The following NRP1 variants were observed in gnomAD, a reference collection of about 807,000 sequenced individuals.
NRP1 encodes neuropilin 1, also known as neuropilin-1.
In NRP1, 35 loss-of-function variants were observed where a neutral mutation model predicts 106.7. That is an observed-to-expected ratio of 0.33 (90% CI 0.25 to 0.43). The LOEUF (loss-of-function observed/expected upper bound fraction) is 0.43. Ranked by LOEUF, NRP1 falls within the 20% of genes least tolerant of loss-of-function variation. The pLI is 1.00. For missense variants in NRP1, 1,024 were observed against 1,170.4 expected (o/e 0.87, Z 1.83); for synonymous variants, 437 against 417.9 (o/e 1.05, Z -0.56).
rs1835597497 is a variant in NRP1 at position 33,180,254 on chromosome 10, C to T, written c.2594G>A (p.Ser865Asn). 6.2e-7 allele frequency: 1 copy of T among 1,614,130 alleles called. No homozygotes were observed. Reference sequence around the variant, plus strand: ...AGCCCCCAGGAGGACCCCCAGGGCACTCATGGCTATGATGGTGATGAGGAT... The same window carrying T: ...AGCCCCCAGGAGGACCCCCAGGGCATTCATGGCTATGATGGTGATGAGGAT... ...DPILITIIAMSALGVLLGAVC... is the reference protein window; with the variant it reads ...DPILITIIAMNALGVLLGAVC... Residue 865 changes from serine (S) to asparagine (N), a missense_variant, in exon 17 of 17, where the codon AGT becomes AAT. This residue lies in a region of NRP1 where 164 missense variants were observed against 161.4 expected (regional missense o/e 1.02). Transcript: ENST00000374867.
At chr10:33,292,119 C>A (rs1026668234) in intron 2 of NRP1, among the ~76,000 whole-genome samples, 1 of 152,178 alleles carries the variant, frequency 6.6e-6, no homozygotes, top group South Asian at 2.1e-4. Context: ...TGGTTTTGAA[C>A]TCTCTGGCTC....
chr10:33,314,689 G>A (rs1191987525), intron 2 of NRP1, among the ~76,000 whole-genome samples: 1 of 152,102 alleles, frequency 6.6e-6, no homozygotes, highest in African/African-American at 2.4e-5. Context: ...AGAGGGGAGA[G>A]CCCAGGCAGC....
chr10:33,328,172 GA>G (rs1326070301), intron 2 of NRP1, among the ~76,000 whole-genome samples: 1 of 151,928 alleles, frequency 6.6e-6, no homozygotes, highest in Non-Finnish European at 1.5e-5. Context: ...CATTTTCTGT[GA>G]ATTACAATCA....
At chr10:33,271,616 C>T (rs1843315901) in intron 2 of NRP1, among the ~76,000 whole-genome samples, 1 of 152,124 alleles carries the variant, frequency 6.6e-6, no homozygotes, top group South Asian at 2.1e-4. Context: ...CTTGATACCA[C>T]AAAAGTGATG....
chr10:33,206,472 AG>A (rs1243817993), intron 10 of NRP1: 1 of 346,548 alleles, frequency 2.9e-6, no homozygotes, highest in Non-Finnish European at 5.8e-6. Flanking sequence ...TGAATTATTC[AG>A]GGGTATGGTG....
intron 2 of NRP1, among the ~76,000 whole-genome samples, chr10:33,306,523 T>C (rs1053455057): frequency 2.0e-5 from 3 of 152,236 alleles, no homozygotes; most frequent in African/African-American, 7.2e-5. Flanking sequence ...AACGACTTAA[T>C]ATGGTAAAAC....
At chr10:33,274,960 C>T (rs776414950) in intron 2 of NRP1, among the ~76,000 whole-genome samples, 7 of 152,178 alleles carry the variant, frequency 4.6e-5, no homozygotes, top group African/African-American at 1.7e-4. Flanking sequence ...AACCTGTAAA[C>T]GATCGCTGTG....
At chr10:33,194,878 G>C (rs1836667744) in intron 12 of NRP1, 1 of 427,190 alleles carries the variant, frequency 2.3e-6, no homozygotes, top group Non-Finnish European at 4.8e-6. Flanking sequence ...GAGAAAAGGA[G>C]AGAAAAAAGC....
At chr10:33,289,457 T>G (rs1184826276) in intron 2 of NRP1, among the ~76,000 whole-genome samples, 1 of 152,202 alleles carries the variant, frequency 6.6e-6, no homozygotes, top group Non-Finnish European at 1.5e-5. Context: ...ATAACTCTAA[T>G]GAGGTCCACG....
At chr10:33,212,120 A>G (rs1206360696) in intron 9 of NRP1, 1 of 152,080 alleles carries the variant, frequency 6.6e-6, no homozygotes, top group African/African-American at 2.4e-5. Flanking sequence ...AAATTATACC[A>G]CGGGTTTTGG....
chr10:33,234,566 A>G (rs1840413400), intron 6 of NRP1, among the ~76,000 whole-genome samples: 1 of 152,170 alleles, frequency 6.6e-6, no homozygotes, highest in Non-Finnish European at 1.5e-5. Context: ...AACTTTGCAA[A>G]TAATTTATTC....
chr10:33,326,079 C>T (rs1304174064), intron 2 of NRP1, among the ~76,000 whole-genome samples: 1 of 152,166 alleles, frequency 6.6e-6, no homozygotes, highest in Admixed American at 6.5e-5. Context: ...CGGATGGTGA[C>T]ATCTGATCTG....
At chr10:33,319,915 C>T (rs1010341074) in intron 2 of NRP1, among the ~76,000 whole-genome samples, 2 of 151,830 alleles carry the variant, frequency 1.3e-5, no homozygotes, top group South Asian at 4.2e-4. Flanking sequence ...AGAGCTGTAA[C>T]TCTCACTGCG....
Position 33,213,178 on chromosome 10 carries a change from G to T in NRP1, c.1614+208C>A, listed in dbSNP as rs755741895. ...ACAGCCAGGGAATGGGACCAGCAAT[G>T]CAATTCTTTTGCATGTTATCTCAGA... On this transcript the variant is annotated intron_variant, in intron 9 of 16. Transcript: ENST00000374867. 1.5e-5 allele frequency: 20 copies of T among 1,368,328 alleles called. No homozygotes were observed. In the African/African-American group the frequency reaches 2.7e-4, roughly 19 times the overall value. 84.8% of individuals were successfully genotyped at this position (1,368,328 alleles called of 1,614,324 possible).
chr10:33,272,034 T>C (rs1349527405), intron 2 of NRP1, among the ~76,000 whole-genome samples: 3 of 152,200 alleles, frequency 2.0e-5, no homozygotes, highest in African/African-American at 7.2e-5. Flanking sequence ...GGCAGTAACA[T>C]AAACTGTATC....
intron 13 of NRP1, 36 bp downstream of exon 13, chr10:33,192,245 T>G: frequency 2.5e-6 from 4 of 1,593,642 alleles, no homozygotes; most frequent in Non-Finnish European, 3.4e-6. Context: ...AAAGAGAATC[T>G]GCAAAGCCAT....
Position 33,178,677 on chromosome 10 carries a change from G to T in NRP1, c.*1399C>A, listed in dbSNP as rs182221740. 1.3e-5 allele frequency: 2 copies of T among 152,344 alleles called. No homozygotes were observed. The highest frequency in any genetic ancestry group is 4.8e-5 in the African/African-American group (2 of 41,554). The allele number at this position is 152,344 out of a possible 1,614,324, so 9.4% of individuals were successfully genotyped here. On this transcript the variant is annotated 3_prime_UTR_variant, in exon 17 of 17. Coordinates refer to ENST00000374867, the MANE Select transcript of NRP1 (RefSeq NM_003873.7). The stretch of plus-strand genomic sequence containing the variant: ...AAATCTCATGCTTTTGGATTTGGAA[G>T]ATTTTATCCAGTTCTTCCTTTGGGT...
chr10:33,186,570 A>G, intron 13 of NRP1, 82 bp from the exon 14 acceptor site: 1 of 1,492,172 alleles, frequency 6.7e-7, no homozygotes, highest in African/African-American at 1.4e-5. Context: ...CTCACTAATC[A>G]AAAGCTTCCT....
chr10:33,304,808 C>T (rs571858997), intron 2 of NRP1, among the ~76,000 whole-genome samples: 38 of 152,346 alleles, frequency 2.5e-4, no homozygotes, highest in Non-Finnish European at 4.1e-4. Flanking sequence ...CCCTTGAAAG[C>T]TTCTGGTGGA....
Sources: gnomAD v4.1 joint callset for allele counts (sites outside exome capture counted in the v4.1 genomes callset) on GRCh38, gnomAD v4.1.1 for gene constraint, gnomAD v4.1.1 regional missense constraint, MANE v1.5 for transcripts, NCBI Gene and HGNC (gene_info 2026-07-23, HGNC 2026-07-21) for gene names.